The following SLC38A12 variants were observed in gnomAD, a reference collection of about 807,000 sequenced individuals.
SLC38A12 encodes the protein solute carrier family 38 member 12.
the SLC38A12 span, among the ~76,000 whole-genome samples, chr17:74,820,207 T>C: frequency 6.6e-6 from 1 of 152,174 alleles, no homozygotes; most frequent in East Asian, 1.9e-4. Context: ...AAGGCCTGGG[T>C]TGGGCTGTGC....
At chr17:74,836,127 T>C in the SLC38A12 span, 1 of 1,614,006 alleles carries the variant, frequency 6.2e-7, no homozygotes, top group Admixed American at 1.7e-5. This position sits in a 1 kb window ranked among gnomAD's most constrained non-coding sequence, Gnocchi z 4.2. Flanking sequence ...GTTCCTGGAC[T>C]ACGTGCTGAT....
chr17:74,781,103 C>G, the SLC38A12 span, among the ~76,000 whole-genome samples: 1 of 152,132 alleles, frequency 6.6e-6, no homozygotes, highest in Non-Finnish European at 1.5e-5. Context: ...CACTAAACAT[C>G]CCACAATGCA....
At chr17:74,818,806 A>G in the SLC38A12 span, among the ~76,000 whole-genome samples, 1 of 152,164 alleles carries the variant, frequency 6.6e-6, no homozygotes, top group Non-Finnish European at 1.5e-5. Context: ...AAATGGTACC[A>G]TCATCTTAAC....
chr17:74,794,777 G>C, the SLC38A12 span, among the ~76,000 whole-genome samples: 1 of 152,082 alleles, frequency 6.6e-6, no homozygotes, highest in Non-Finnish European at 1.5e-5. Context: ...GCCTCGTTGA[G>C]TCCTCTCAGG....
chr17:74,785,467 C>T, the SLC38A12 span: 4 of 1,606,192 alleles, frequency 2.5e-6, no homozygotes, highest in Non-Finnish European at 2.6e-6. Context: ...TGAATGTTGC[C>T]TCTGTCGGTT....
At chr17:74,795,028 C>G in the SLC38A12 span, 7 of 1,614,056 alleles carry the variant, frequency 4.3e-6, no homozygotes, top group Non-Finnish European at 5.9e-6. Flanking sequence ...TCAACTTGTT[C>G]TATTTCTGCA....
the SLC38A12 span, among the ~76,000 whole-genome samples, chr17:74,792,225 C>T: frequency 6.6e-6 from 1 of 151,946 alleles, no homozygotes; most frequent in Non-Finnish European, 1.5e-5. Flanking sequence ...CCGAGGCAGG[C>T]GGATCACTTG....
At chr17:74,776,784 T>TA in the SLC38A12 span, among the ~76,000 whole-genome samples, 1 of 151,698 alleles carries the variant, frequency 6.6e-6, no homozygotes, top group African/African-American at 2.4e-5. Flanking sequence ...GAGGCCCCAT[T>TA]AAAAAAAGGA....
the SLC38A12 span, among the ~76,000 whole-genome samples, chr17:74,812,516 G>C: frequency 2.0e-5 from 3 of 152,134 alleles, no homozygotes; most frequent in Admixed American, 6.5e-5. Context: ...GGCTCATGCT[G>C]AGTTGCCATT....
chr17:74,814,434 C>G, the SLC38A12 span, among the ~76,000 whole-genome samples: 2 of 152,296 alleles, frequency 1.3e-5, no homozygotes, highest in East Asian at 1.9e-4. Context: ...CGGGTGCACT[C>G]TCTTCTTCAT....
At chr17:74,828,467 C>A in the SLC38A12 span, among the ~76,000 whole-genome samples, 3 of 152,178 alleles carry the variant, frequency 2.0e-5, no homozygotes, top group African/African-American at 7.2e-5. Flanking sequence ...GGATGCATGT[C>A]CTCATACTCC....
chr17:74,811,018 G>A, the SLC38A12 span, among the ~76,000 whole-genome samples: 1 of 152,200 alleles, frequency 6.6e-6, no homozygotes, highest in Non-Finnish European at 1.5e-5. Context: ...TTGAGTGGAG[G>A]TCATGGAAGT....
At chr17:74,801,987 C>T in the SLC38A12 span, among the ~76,000 whole-genome samples, 1 of 152,110 alleles carries the variant, frequency 6.6e-6, no homozygotes, top group Non-Finnish European at 1.5e-5. Flanking sequence ...CACCACCCCA[C>T]CCATTCCTCC....
chr17:74,785,296 G>A, the SLC38A12 span, among the ~76,000 whole-genome samples: 3 of 152,174 alleles, frequency 2.0e-5, no homozygotes, highest in Non-Finnish European at 2.9e-5. Context: ...TGGTTAACAG[G>A]CTCTGTGGTT....
the SLC38A12 span, chr17:74,785,554 G>A: frequency 3.2e-4 from 521 of 1,614,056 alleles, 1 homozygote; most frequent in Non-Finnish European, 4.1e-4. Context: ...ATTCGCCACT[G>A]CCGGGTGGCT....
chr17:74,813,548 G>A, the SLC38A12 span, among the ~76,000 whole-genome samples: 1 of 151,828 alleles, frequency 6.6e-6, no homozygotes, highest in Non-Finnish European at 1.5e-5. Context: ...GGAATGCAAT[G>A]GCGCAATCTC....
At chr17:74,800,658 G>GACT in the SLC38A12 span, among the ~76,000 whole-genome samples, 1 of 152,264 alleles carries the variant, frequency 6.6e-6, no homozygotes, top group Non-Finnish European at 1.5e-5. Context: ...TGGACTTGGA[G>GACT]ACTCTGGGGA....
the SLC38A12 span, among the ~76,000 whole-genome samples, chr17:74,792,172 C>T: frequency 4.0e-5 from 6 of 151,366 alleles, no homozygotes; most frequent in African/African-American, 1.5e-4. Flanking sequence ...ATTTAATGGC[C>T]AGGCATGGTG....
At chr17:74,777,644 G>A in the SLC38A12 span, 4 of 1,417,858 alleles carry the variant, frequency 2.8e-6, no homozygotes, top group Non-Finnish European at 3.7e-6. Flanking sequence ...CCCGGGCTGG[G>A]CACGGTGGCT....
Sources: allele counts gnomAD v4.1 joint callset (sites outside exome capture counted in the v4.1 genomes callset), GRCh38; gene constraint gnomAD v4.1.1; non-coding constraint Gnocchi (gnomAD v3.1); transcripts MANE v1.5; gene names NCBI Gene and HGNC (gene_info 2026-07-23, HGNC 2026-07-21).